XPO4: variants seen among roughly 807,000 people sequenced by gnomAD.
The protein encoded by XPO4 is exportin 4, also known as exportin-4.
In XPO4, 39 loss-of-function variants were observed where a neutral mutation model predicts 143.0. That is an observed-to-expected ratio of 0.27 (90% CI 0.21 to 0.36). The LOEUF is 0.36. Ranked by LOEUF, XPO4 falls within the 10% of genes least tolerant of loss-of-function variation. The pLI is 1.00. For synonymous variants in XPO4, 439 were observed against 474.0 expected (o/e 0.93, Z 0.96); for missense variants, 907 against 1,348.0 (o/e 0.67, Z 5.12).
At chr13:20,789,558 CTT>C (rs1284179228) in intron 19 of XPO4, among the ~76,000 whole-genome samples, 1 of 148,036 alleles carries the variant, frequency 6.8e-6, no homozygotes. Flanking sequence ...CCACACCCGG[CTT>C]TTTTTTTGTG....
chr13:20,804,149 T>C (rs980389338), intron 13 of XPO4, among the ~76,000 whole-genome samples: 3 of 150,452 alleles, frequency 2.0e-5, no homozygotes, highest in South Asian at 2.1e-4. Flanking sequence ...ACTATATATA[T>C]ACACACAATA....
chr13:20,828,712 C>T (rs1284292543), intron 6 of XPO4, among the ~76,000 whole-genome samples: 1 of 152,086 alleles, frequency 6.6e-6, no homozygotes, highest in African/African-American at 2.4e-5. Context: ...CCTTTATCTG[C>T]CCCCTTGTGG....
At position 20,777,618 on chromosome 13, in the gene XPO4, T is replaced by C. The variant is rs2059101681; in HGVS notation, c.*6104A>G. On this transcript the variant is annotated 3_prime_UTR_variant, in exon 23 of 23. Coordinates refer to ENST00000255305, the MANE Select transcript of XPO4 (RefSeq NM_022459.5). ...ACAAATAAGAAGTTCTACTACTCAATACATCTTGGGCTTTCTTAAAGGTGT... is the reference window on the plus strand; with the variant it reads ...ACAAATAAGAAGTTCTACTACTCAACACATCTTGGGCTTTCTTAAAGGTGT... 1 of 152,212 alleles carries C rather than the reference T, an allele frequency of 6.6e-6. No homozygotes were observed. The highest frequency in any genetic ancestry group is 1.5e-5 in the Non-Finnish European group (1 of 68,038). The allele number at this position is 152,212 out of a possible 1,614,324, so 9.4% of individuals were successfully genotyped here. A position where few individuals can be genotyped will look rare whatever the true frequency, so the allele number is the denominator to read the frequency against.
chr13:20,800,031 G>T, intron 15 of XPO4, 125 bp downstream of exon 15: 1 of 1,080,788 alleles, frequency 9.3e-7, no homozygotes, highest in Non-Finnish European at 1.3e-6. Flanking sequence ...CTCCAAAAAT[G>T]TAGGCTCTAT....
Position 20,876,186 on chromosome 13 carries a change from C to T in XPO4, c.70-7485G>A, listed in dbSNP as rs559693824. Among the ~76,000 whole-genome samples the T allele has an allele frequency of 4.0e-5, 6 of 148,318 alleles. No individual in the cohort carries two copies. In the East Asian group the frequency reaches 9.9e-4, roughly 24 times the overall value. On this transcript the variant is annotated intron_variant, in intron 1 of 22. Coordinates refer to ENST00000255305, the MANE Select transcript of XPO4 (RefSeq NM_022459.5). ...CTGAGACAGGAGAATCACTTGAATC[C>T]GGAAGGCAGAGGTTGCAGTGAGCCA...
intron 18 of XPO4, among the ~76,000 whole-genome samples, chr13:20,794,982 T>C (rs560035450): frequency 2.0e-5 from 3 of 148,606 alleles, no homozygotes; most frequent in South Asian, 2.1e-4. Flanking sequence ...AGGGCAGATA[T>C]TGGAAAAACC....
Position 20,786,961 on chromosome 13 carries a change from G to A in XPO4, c.3258+4C>T, listed in dbSNP as rs375427353. 13 of 1,554,246 alleles carry A rather than the reference G, an allele frequency of 8.4e-6. No homozygotes were observed. Among genetic ancestry groups the A allele is most frequent in the African/African-American group, 6.8e-5 (5 of 73,154 alleles). Reference sequence around the variant, plus strand: ...AGTCCCCTGAAAAGAGGCATGTCCAGTACCTGGTGCAAACACACCAACGTG... The same window carrying A: ...AGTCCCCTGAAAAGAGGCATGTCCAATACCTGGTGCAAACACACCAACGTG... On this transcript the variant is annotated splice_donor_region_variant and intron_variant, in intron 22 of 22. Transcript: ENST00000255305.
chr13:20,786,027 C>A (rs7325574), intron 22 of XPO4, among the ~76,000 whole-genome samples: 142,259 of 151,078 alleles, frequency 0.94, 67,280 homozygotes, highest in East Asian at 1. Flanking sequence ...TCAGACAAGA[C>A]GACTACCTTG....
chr13:20,843,247 T>C (rs2059994599), intron 5 of XPO4, among the ~76,000 whole-genome samples, 199 bp from the exon 6 acceptor site: 1 of 152,224 alleles, frequency 6.6e-6, no homozygotes. Context: ...GGAATACTTT[T>C]ACTTGAATAT....
At chr13:20,805,837 T>G (rs1173338355) in intron 13 of XPO4, among the ~76,000 whole-genome samples, 1 of 152,220 alleles carries the variant, frequency 6.6e-6, no homozygotes, top group Non-Finnish European at 1.5e-5. Context: ...TTAAGAAATG[T>G]GAGCTGCTTT....
intron 4 of XPO4, among the ~76,000 whole-genome samples, chr13:20,847,531 T>C (rs58640795): frequency 0.058 from 8,880 of 152,238 alleles, 655 homozygotes; most frequent in African/African-American, 0.17. Context: ...CCTTAAAGAA[T>C]GTTCTTATCT....
chr13:20,857,554 C>T (rs962672694), intron 3 of XPO4, among the ~76,000 whole-genome samples: 3 of 151,564 alleles, frequency 2.0e-5, no homozygotes, highest in African/African-American at 7.3e-5. Flanking sequence ...GGTGAAACCC[C>T]GTCTCTACTA....
chr13:20,809,818 T>G lies in XPO4; in HGVS notation c.1323A>C (p.Leu441=). The change falls in exon 10 of 23, where the codon CTA becomes CTC. Residue 441 remains leucine, a synonymous_variant. Coordinates refer to ENST00000255305, the MANE Select transcript of XPO4 (RefSeq NM_022459.5). ...AATTTCTTGTGCCATCTGGAGCAGC[T>G]AGGTGGCACTGAATATAGGAATTGA... ...QVFNSYIQCH[L]AAPDGTRNLT... is the part of the protein sequence containing the mutation. 1 of 1,612,130 alleles carries G rather than the reference T, an allele frequency of 6.2e-7. No individual in the cohort carries two copies. The highest frequency in any genetic ancestry group is 8.5e-7 in the Non-Finnish European group (1 of 1,179,214).
intron 9 of XPO4, among the ~76,000 whole-genome samples, chr13:20,818,563 C>T (rs1764134182): frequency 6.6e-6 from 1 of 152,104 alleles, no homozygotes; most frequent in Non-Finnish European, 1.5e-5. Flanking sequence ...ACATGTGGAA[C>T]CTGTTTTCCT....
chr13:20,786,370 G>A (rs923326407), intron 22 of XPO4, among the ~76,000 whole-genome samples: 1 of 151,192 alleles, frequency 6.6e-6, no homozygotes, highest in African/African-American at 2.4e-5. Context: ...GCATGGGAGA[G>A]GAAAAGGGGA....
intron 10 of XPO4, among the ~76,000 whole-genome samples, chr13:20,809,443 T>G (rs1031619234): frequency 6.6e-6 from 1 of 152,044 alleles, no homozygotes; most frequent in African/African-American, 2.4e-5. Context: ...GAGCAAGAAG[T>G]ACAGGAATCA....
At chr13:20,839,454 G>A (rs953588763) in intron 6 of XPO4, among the ~76,000 whole-genome samples, 1 of 152,138 alleles carries the variant, frequency 6.6e-6, no homozygotes, top group Non-Finnish European at 1.5e-5. Context: ...GACAATTATT[G>A]CTGTACAACT....
rs982540269 is a variant in XPO4, at chr13:20,778,669, G to A, written c.*5053C>T. Reference sequence around the variant, plus strand: ...ATACTGGATATTCTGTGAGTACCACGGGTTCTCCCAGAAGGTGATGCAAAT... The same window carrying A: ...ATACTGGATATTCTGTGAGTACCACAGGTTCTCCCAGAAGGTGATGCAAAT... On this transcript the variant is annotated 3_prime_UTR_variant, in exon 23 of 23. Transcript: ENST00000255305. 2 of 152,160 alleles carry A rather than the reference G, an allele frequency of 1.3e-5. No individual in the cohort carries two copies. The highest frequency in any genetic ancestry group is 1.9e-4 in the East Asian group (1 of 5,184). 9.4% of individuals were successfully genotyped at this position (152,160 alleles called of 1,614,324 possible).
At chr13:20,833,180 G>A (rs370590424) in intron 6 of XPO4, among the ~76,000 whole-genome samples, 21 of 152,068 alleles carry the variant, frequency 1.4e-4, no homozygotes, top group African/African-American at 4.1e-4. Flanking sequence ...ACTTCTGAAC[G>A]GGCTTCTTTC....
Sources: allele counts gnomAD v4.1 joint callset (sites outside exome capture counted in the v4.1 genomes callset), GRCh38; gene constraint gnomAD v4.1.1; transcripts MANE v1.5; gene names NCBI Gene and HGNC (gene_info 2026-07-23, HGNC 2026-07-21).